Variants in PMEL observed in about 807,000 individuals in gnomAD.
PMEL encodes the protein melanocyte protein PMEL.
In PMEL, 53 loss-of-function variants were observed where a neutral mutation model predicts 64.9. That is an observed-to-expected ratio of 0.82 (90% confidence interval 0.66 to 1.03). The LOEUF (loss-of-function observed/expected upper bound fraction) is 1.03, where lower values mean the gene tolerates loss of function less well. PMEL is among the 50% of genes least tolerant of loss of function. The probability of loss-of-function intolerance (pLI) is 0.00; values close to 1 mark genes in which losing one functional copy is unlikely to be tolerated. For missense variants in PMEL, 716 were observed against 814.9 expected, an observed-to-expected ratio of 0.88 and a Z score of 1.48; for synonymous variants, 299 against 316.2, an observed-to-expected ratio of 0.95 and a Z score of 0.58.
intron 10 of PMEL, among the ~76,000 whole-genome samples, chr12:55,954,833 G>A (rs1478723540): frequency 6.6e-6 from 1 of 152,150 alleles, no homozygotes; most frequent in Non-Finnish European, 1.5e-5. Context: ...GAAACTGGAA[G>A]GTGGAGGTTG....
Position 55,956,166 on chromosome 12 carries a change from G to T in PMEL, c.1408C>A (p.Gln470Lys), listed in dbSNP as rs1444218995. The change falls in exon 7 of 11, where the codon CAA becomes AAA. Residue 470 changes from glutamine to lysine, a missense_variant. Gln to Lys is a moderately conservative substitution (Grantham distance 53). Coordinates refer to ENST00000548747, the MANE Select transcript of PMEL (RefSeq NM_001384361.1). ...TACAGAACACAATCCAGGGGGACTT[G>T]TCTCTTCACCAGCCTTAAGGTGGCT... ...GTATLRLVKR[Q>K]VPLDCVLYRY... 2 of 1,614,012 alleles carry T rather than the reference G, an allele frequency of 1.2e-6. No individual in the cohort carries two copies. Among genetic ancestry groups the T allele is most frequent in the East Asian group, 2.2e-5 (1 of 44,890 alleles).
At chr12:55,966,540 T>C (rs1592779806), upstream of PMEL, 2 of 356,898 alleles carry the variant, frequency 5.6e-6, no homozygotes, top group East Asian at 1.5e-4. Context: ...TTGGTGAAAA[T>C]AGTGAGTTAG....
Position 55,955,486 on chromosome 12 carries a change from G to C in PMEL, c.1740C>G (p.Val580=). Residue 580 remains valine, a synonymous_variant, in exon 9 of 11, where the codon GTC becomes GTG. Coordinates refer to ENST00000548747, the MANE Select transcript of PMEL (RefSeq NM_001384361.1). ...SLADTNSLAV[V]STQLIMPGQE... is the part of the protein sequence containing the mutation. ...TACCAGGCATGATAAGCTGGGTGCT[G>C]ACCACTGCCAGGCTGTTGGTATCAG... 1 of 1,614,086 alleles carries C rather than the reference G, an allele frequency of 6.2e-7. No individual in the cohort carries two copies. The highest frequency in any genetic ancestry group is 1.1e-5 in the South Asian group (1 of 91,074).
chr12:55,964,600 C>G (rs963577738), intron 1 of PMEL, among the ~76,000 whole-genome samples: 1 of 152,084 alleles, frequency 6.6e-6, no homozygotes, highest in African/African-American at 2.4e-5. Flanking sequence ...GCCACTACAC[C>G]CGGCCTCCTT....
chr12:55,955,242 A>C, intron 10 of PMEL, 32 bp downstream of exon 10: 1 of 1,432,326 alleles, frequency 7.0e-7, no homozygotes, highest in Non-Finnish European at 9.9e-7. Flanking sequence ...ATAAGGGATA[A>C]GGGGGTCTGA....
intron 7 of PMEL, 45 bp from the exon 8 acceptor site, chr12:55,955,908 C>A (rs1183220665): frequency 6.5e-7 from 1 of 1,543,470 alleles, no homozygotes; most frequent in African/African-American, 1.4e-5. Context: ...TCTACCTGGC[C>A]TCCCCAAAAG....
chr12:55,957,823 T>G (rs1039777959), intron 5 of PMEL, 100 bp downstream of exon 5: 5 of 1,537,902 alleles, frequency 3.3e-6, no homozygotes, highest in Non-Finnish European at 4.4e-6. Context: ...CCTTCTACTT[T>G]AAGTTTGCAC....
chr12:55,958,925 G>A (rs190437268), intron 3 of PMEL, among the ~76,000 whole-genome samples: 1 of 152,020 alleles, frequency 6.6e-6, no homozygotes, highest in East Asian at 2.0e-4. Flanking sequence ...GGGACTACAG[G>A]TATGCACCAC....
At chr12:55,955,719 T>C in intron 8 of PMEL, 50 bp from the exon 9 acceptor site, 2 of 1,609,714 alleles carry the variant, frequency 1.2e-6, no homozygotes, top group South Asian at 2.2e-5. Context: ...GGACACTAAA[T>C]GCCAGAGAGC....
chr12:55,960,582 G>A (rs1472494073), intron 3 of PMEL, among the ~76,000 whole-genome samples: 12 of 123,554 alleles, frequency 9.7e-5, no homozygotes, highest in African/African-American at 2.2e-4. Context: ...TCGCTCTGTC[G>A]CCCAGGCTGG....
At chr12:55,961,158 T>C in intron 3 of PMEL, 159 bp downstream of exon 3, 1 of 607,600 alleles carries the variant, frequency 1.6e-6, no homozygotes, top group South Asian at 2.0e-5. Flanking sequence ...TGAGCCGAGA[T>C]TGCGCCACTG....
upstream of PMEL, chr12:55,966,652 G>T: frequency 9.4e-7 from 1 of 1,063,120 alleles, no homozygotes; most frequent in Non-Finnish European, 1.1e-6. Context: ...GAAGAAACTT[G>T]TCTAGCCCCC....
intron 3 of PMEL, 70 bp downstream of exon 3, chr12:55,961,247 C>T: frequency 7.0e-7 from 1 of 1,426,172 alleles, no homozygotes; most frequent in Non-Finnish European, 9.9e-7. Context: ...AGGGGCATTC[C>T]CTGAGCTCAC....
chr12:55,965,436 T>C (rs2136453273), intron 1 of PMEL, among the ~76,000 whole-genome samples: 1 of 88,104 alleles, frequency 1.1e-5, no homozygotes, highest in South Asian at 4.4e-4. Context: ...CGAGGCCCAA[T>C]CCCCCAGAGC....
At position 55,961,432 on chromosome 12, in the gene PMEL, A is replaced by G. The variant is rs1289489488; in HGVS notation, c.219T>C (p.Asp73=). ...GGQVSLKVSN[D]GPTLIGANAS... is the part of the protein sequence containing the mutation. Reference sequence around the variant, plus strand: ...CATTTGCACCAATCAGTGTAGGCCCATCATTACTGACCTTGAGGGACACTT... The same window carrying G: ...CATTTGCACCAATCAGTGTAGGCCCGTCATTACTGACCTTGAGGGACACTT... The change falls in exon 3 of 11, where the codon GAT becomes GAC. Residue 73 remains aspartate, a synonymous_variant. Transcript: ENST00000548747. The G allele has an allele frequency of 6.2e-7, 1 of 1,614,084 alleles. No homozygotes were observed. Among genetic ancestry groups the G allele is most frequent in the Non-Finnish European group, 8.5e-7 (1 of 1,180,022 alleles).
At chr12:55,955,995 G>A (rs1337928496) in intron 7 of PMEL, 108 bp downstream of exon 7, 10 of 1,094,644 alleles carry the variant, frequency 9.1e-6, no homozygotes, top group Non-Finnish European at 1.3e-5. Context: ...TGGCATTTGG[G>A]TATTCTTCCT....
chr12:55,954,426 A>C lies in PMEL; in HGVS notation c.1851-77T>G, dbSNP rs1888756653. ...TCTGTGCTTCTCCAAAGAAGGGAAC[A>C]CACCCATATCCCAGTCTGCTTAGCC... On this transcript the variant is annotated intron_variant, in intron 10 of 10. Transcript: ENST00000548747. 6.8e-6 allele frequency: 10 copies of C among 1,473,182 alleles called. No individual in the cohort carries two copies. In the East Asian group the frequency reaches 2.0e-4, roughly 30 times the overall value. The allele number at this position is 1,473,182 out of a possible 1,614,324, so 91.3% of individuals were successfully genotyped here.
chr12:55,961,646 C>A lies in PMEL; in HGVS notation c.163G>T (p.Ala55Ser). 6.2e-7 allele frequency: 1 copy of A among 1,613,890 alleles called. No homozygotes were observed. The highest frequency in any genetic ancestry group is 8.5e-7 in the Non-Finnish European group (1 of 1,179,890). Residue 55 changes from alanine (A) to serine (S), a missense_variant, in exon 2 of 11, where the codon GCC (alanine) becomes TCC (serine). Ala to Ser is a moderately conservative substitution (Grantham distance 99). Coordinates refer to ENST00000548747, the MANE Select transcript of PMEL (RefSeq NM_001384361.1). ...NRQLYPEWTE[A>S]QRLDCWRGGQ... ...CCTCTCCAGCAGTCAAGTCTCTGGG[C>A]TTCTGTCCACTCTGGATACAGCTGC...
At chr12:55,960,687 C>T (rs1424831031) in intron 3 of PMEL, among the ~76,000 whole-genome samples, 3 of 149,880 alleles carry the variant, frequency 2.0e-5, no homozygotes, top group Non-Finnish European at 4.4e-5. Context: ...GGACTACATG[C>T]GCCTGCCACC....
Sources: allele counts gnomAD v4.1 joint callset (sites outside exome capture counted in the v4.1 genomes callset), GRCh38; gene constraint gnomAD v4.1.1; transcripts MANE v1.5; gene names NCBI Gene and HGNC (gene_info 2026-07-23, HGNC 2026-07-21).